Variants in C1QTNF3 observed in about 807,000 individuals in gnomAD.
The protein encoded by C1QTNF3 is complement C1q tumor necrosis factor-related protein 3.
A neutral mutation model predicts 32.6 loss-of-function variants in C1QTNF3; 26 were observed. The observed-to-expected ratio is 0.80, with a 90% CI of 0.58 to 1.11. C1QTNF3 has a LOEUF of 1.11. Among genes scored for constraint, C1QTNF3 ranks in the 50% least tolerant of loss-of-function variants. C1QTNF3 has a pLI of 0.00. For synonymous variants in C1QTNF3, 155 were observed against 146.0 expected (o/e 1.06, Z -0.44); for missense variants, 362 against 398.2 (o/e 0.91, Z 0.77).
At chr5:34,075,006 A>C in the C1QTNF3 span, among the ~76,000 whole-genome samples, 1 of 151,794 alleles carries the variant, frequency 6.6e-6, no homozygotes. Context: ...ATTCAATTTA[A>C]ACCTGTACAT....
the C1QTNF3 span, among the ~76,000 whole-genome samples, chr5:34,110,925 ATT>A: frequency 1.4e-5 from 2 of 147,604 alleles, no homozygotes; most frequent in African/African-American, 5.4e-5. Context: ...AAAAAAAAAA[ATT>A]ATTAGAAGAT....
At chr5:34,214,662 G>A in the C1QTNF3 span, among the ~76,000 whole-genome samples, 3 of 152,052 alleles carry the variant, frequency 2.0e-5, no homozygotes, top group Non-Finnish European at 2.9e-5. Flanking sequence ...AAAACATAAT[G>A]TGTAAATTAA....
intron 1 of C1QTNF3, among the ~76,000 whole-genome samples, chr5:34,037,421 C>A (rs1376957893): frequency 6.6e-6 from 1 of 152,214 alleles, no homozygotes; most frequent in Admixed American, 6.5e-5. Context: ...AGAACTGGAT[C>A]AAACTTCACA....
chr5:34,126,350 T>C, the C1QTNF3 span, among the ~76,000 whole-genome samples: 6 of 149,872 alleles, frequency 4.0e-5, no homozygotes, highest in Non-Finnish European at 7.4e-5. Flanking sequence ...TTGGTGGCAA[T>C]AGCTCTGAAG....
chr5:34,227,317 T>A, the C1QTNF3 span, among the ~76,000 whole-genome samples: 5 of 151,606 alleles, frequency 3.3e-5, no homozygotes, highest in African/African-American at 1.2e-4. Flanking sequence ...TGATTTACTT[T>A]TGTATATTTT....
chr5:34,155,442 C>G, the C1QTNF3 span, among the ~76,000 whole-genome samples: 1 of 152,204 alleles, frequency 6.6e-6, no homozygotes, highest in African/African-American at 2.4e-5. Flanking sequence ...GATTACCCCA[C>G]TGGGCATATT....
At chr5:34,237,588 C>T in the C1QTNF3 span, among the ~76,000 whole-genome samples, 1 of 152,122 alleles carries the variant, frequency 6.6e-6, no homozygotes, top group South Asian at 2.1e-4. Context: ...TTGACATGGT[C>T]AGGAAGCACC....
At chr5:34,044,273 C>CA (rs1343176348), upstream of C1QTNF3, among the ~76,000 whole-genome samples, 1 of 152,196 alleles carries the variant, frequency 6.6e-6, no homozygotes, top group African/African-American at 2.4e-5. Context: ...GTTTTGTCAT[C>CA]AAAAATTGCT....
intron 5 of C1QTNF3, among the ~76,000 whole-genome samples, chr5:34,021,086 G>A (rs940179196): frequency 6.6e-6 from 1 of 152,252 alleles, no homozygotes; most frequent in African/African-American, 2.4e-5. Flanking sequence ...GCTGTTTGAT[G>A]AGAAGGAAAG....
chr5:34,038,995 G>T (rs957658989), intron 1 of C1QTNF3, among the ~76,000 whole-genome samples: 1 of 152,200 alleles, frequency 6.6e-6, no homozygotes, highest in African/African-American at 2.4e-5. Context: ...CTGGTTATCG[G>T]CAGCTTCCCA....
At chr5:34,237,335 A>C in the C1QTNF3 span, among the ~76,000 whole-genome samples, 2 of 152,200 alleles carry the variant, frequency 1.3e-5, no homozygotes, top group Admixed American at 1.3e-4. Flanking sequence ...TTTGGTCTCA[A>C]TTTACCTTTC....
chr5:34,239,740 TAAGA>T, the C1QTNF3 span, among the ~76,000 whole-genome samples: 1 of 152,146 alleles, frequency 6.6e-6, no homozygotes, highest in Non-Finnish European at 1.5e-5. Context: ...AGCAGATAAC[TAAGA>T]AAGAAACTGT....
the C1QTNF3 span, among the ~76,000 whole-genome samples, chr5:34,147,146 A>T: frequency 7.9e-6 from 1 of 126,174 alleles, no homozygotes; most frequent in Non-Finnish European, 1.8e-5. Flanking sequence ...AGTAAAAAAA[A>T]TAATAATAAT....
chr5:34,072,793 TTTA>T, the C1QTNF3 span, among the ~76,000 whole-genome samples: 4 of 152,222 alleles, frequency 2.6e-5, no homozygotes, highest in Admixed American at 2.6e-4. Context: ...CACTAACATC[TTTA>T]TTACGTTTCT....
In C1QTNF3 at chr5:34,019,930, T is replaced by A. The variant is rs1385186266; in HGVS notation, c.*653A>T. On this transcript the variant is annotated 3_prime_UTR_variant, in exon 6 of 6. Coordinates refer to ENST00000382065, the MANE Select transcript of C1QTNF3 (RefSeq NM_181435.6). ...TGAACCTCAACCTCCTGACCCCACATCCGAAGTTGGGGGCGATGTGGGGGA... is the reference window on the plus strand; with the variant it reads ...TGAACCTCAACCTCCTGACCCCACAACCGAAGTTGGGGGCGATGTGGGGGA... 7 of 152,382 alleles carry A rather than the reference T, an allele frequency of 4.6e-5. No individual in the cohort carries two copies. The highest frequency in any genetic ancestry group is 1.7e-4 in the African/African-American group (7 of 41,562). 9.4% of individuals were successfully genotyped at this position (152,382 alleles called of 1,614,324 possible).
chr5:34,100,803 C>G, the C1QTNF3 span, among the ~76,000 whole-genome samples: 1 of 150,078 alleles, frequency 6.7e-6, no homozygotes, highest in Admixed American at 6.7e-5. Flanking sequence ...TACAAGCACA[C>G]TGAGTTACAA....
rs796424179 is a variant in C1QTNF3 at position 34,035,867 on chromosome 5, C to A, written c.304-109G>T. The stretch of plus-strand genomic sequence containing the variant: ...TAGGTAAGCTTAATTCCAATCGAAT[C>A]ACAGCAAGATCACAAAAGATGGGAT... On this transcript the variant is annotated intron_variant, in intron 1 of 5. Coordinates refer to ENST00000382065, the MANE Select transcript of C1QTNF3 (RefSeq NM_181435.6). 15 of 773,914 alleles carry A rather than the reference C, an allele frequency of 1.9e-5. No homozygotes were observed. In the African/African-American group the frequency reaches 2.6e-4, roughly 14 times the overall value. The allele number at this position is 773,914 out of a possible 1,614,324, so 47.9% of individuals were successfully genotyped here.
At chr5:34,059,888 A>G in the C1QTNF3 span, among the ~76,000 whole-genome samples, 1 of 152,242 alleles carries the variant, frequency 6.6e-6, no homozygotes, top group East Asian at 1.9e-4. Context: ...CCCTGGCCCT[A>G]CTATGTGCTG....
the C1QTNF3 span, among the ~76,000 whole-genome samples, chr5:34,093,918 A>C: frequency 6.6e-6 from 1 of 151,976 alleles, no homozygotes; most frequent in Non-Finnish European, 1.5e-5. Context: ...CTGCTTCATC[A>C]CTCAATAAAA....
Sources: allele counts gnomAD v4.1 joint callset (sites outside exome capture counted in the v4.1 genomes callset), GRCh38; gene constraint gnomAD v4.1.1; transcripts MANE v1.5; gene names NCBI Gene and HGNC (gene_info 2026-07-23, HGNC 2026-07-21).